CTNNA3: variants seen among roughly 807,000 people sequenced by gnomAD.
CTNNA3 encodes catenin alpha 3.
Under a neutral mutation model 95.7 loss-of-function variants are expected in CTNNA3, and 76 were observed. The ratio of observed to expected loss-of-function variants is 0.79; its 90% CI spans 0.66 to 0.96. The LOEUF (loss-of-function observed/expected upper bound fraction) is 0.96, where lower values mean the gene tolerates loss of function less well. Among genes scored for constraint, CTNNA3 ranks in the 40% least tolerant of loss-of-function variants. CTNNA3 has a pLI of 0.00. For missense variants in CTNNA3, 1,191 were observed against 1,089.8 expected, an observed-to-expected ratio of 1.09 and a Z score of -1.31; for synonymous variants, 431 against 374.4, an observed-to-expected ratio of 1.15 and a Z score of -1.74.
At chr10:66,699,090 A>G (rs1038027429) in intron 9 of CTNNA3, among the ~76,000 whole-genome samples, 3 of 152,184 alleles carry the variant, frequency 2.0e-5, no homozygotes, top group Admixed American at 6.5e-5. Flanking sequence ...TGTATTTCAT[A>G]TCTGTATTTC....
intron 6 of CTNNA3, among the ~76,000 whole-genome samples, chr10:67,190,684 T>A (rs1404645044): frequency 6.6e-6 from 1 of 152,042 alleles, no homozygotes; most frequent in Non-Finnish European, 1.5e-5. Flanking sequence ...ATATTATTTT[T>A]AAATTAATCA....
intron 1 of CTNNA3, among the ~76,000 whole-genome samples, chr10:67,760,784 G>A (rs887808402): frequency 1.3e-4 from 20 of 152,154 alleles, no homozygotes; most frequent in African/African-American, 4.8e-4. Context: ...GATGTAGGTT[G>A]TGTGTTCCTT....
intron 7 of CTNNA3, among the ~76,000 whole-genome samples, chr10:67,123,730 G>C (rs1464083716): frequency 6.6e-6 from 1 of 152,132 alleles, no homozygotes; most frequent in Non-Finnish European, 1.5e-5. Context: ...ACATCAAAAA[G>C]ATCTTCAATG....
chr10:66,482,841 C>T (rs536698339), intron 11 of CTNNA3, among the ~76,000 whole-genome samples: 38 of 152,150 alleles, frequency 2.5e-4, no homozygotes, highest in Non-Finnish European at 4.1e-4. Flanking sequence ...GATATTTAAA[C>T]ACAGACAAAA....
At chr10:66,934,108 C>T (rs554202791) in intron 7 of CTNNA3, among the ~76,000 whole-genome samples, 1 of 152,064 alleles carries the variant, frequency 6.6e-6, no homozygotes, top group East Asian at 1.9e-4. Context: ...TAAGACCAAG[C>T]AAGTACAATG....
At chr10:67,070,193 T>C (rs1856362840) in intron 7 of CTNNA3, among the ~76,000 whole-genome samples, 1 of 152,244 alleles carries the variant, frequency 6.6e-6, no homozygotes, top group Non-Finnish European at 1.5e-5. Context: ...AATTTGGATA[T>C]CCTCTTATGT....
chr10:66,785,163 G>A (rs1365166408), intron 7 of CTNNA3, among the ~76,000 whole-genome samples: 2 of 152,046 alleles, frequency 1.3e-5, no homozygotes, highest in Non-Finnish European at 2.9e-5. Flanking sequence ...AGAAACATCT[G>A]GATTTCATAA....
chr10:66,662,682 C>A (rs1236996544), intron 9 of CTNNA3, among the ~76,000 whole-genome samples: 1 of 152,044 alleles, frequency 6.6e-6, no homozygotes, highest in African/African-American at 2.4e-5. Context: ...ATTTCTACTA[C>A]AATTGTTGTC....
intron 11 of CTNNA3, among the ~76,000 whole-genome samples, chr10:66,390,005 A>C (rs1589181078): frequency 6.6e-6 from 1 of 152,254 alleles, no homozygotes; most frequent in African/African-American, 2.4e-5. Context: ...CAAAGTGTTG[A>C]GATTACTGGA....
intron 1 of CTNNA3, among the ~76,000 whole-genome samples, chr10:67,710,881 T>C (rs971545384): frequency 6.6e-6 from 1 of 152,128 alleles, no homozygotes; most frequent in Admixed American, 6.5e-5. Context: ...CTTGATATAG[T>C]TTGGCTGTGT....
intron 3 of CTNNA3, among the ~76,000 whole-genome samples, chr10:67,574,840 C>T (rs1345174461): frequency 1.3e-5 from 2 of 152,140 alleles, no homozygotes; most frequent in Admixed American, 6.5e-5. Flanking sequence ...CTCGGCCTCC[C>T]AAAGTGTTGG....
At chr10:67,527,212 G>A (rs1840172190) in intron 4 of CTNNA3, among the ~76,000 whole-genome samples, 1 of 151,992 alleles carries the variant, frequency 6.6e-6, no homozygotes, top group Non-Finnish European at 1.5e-5. Context: ...AGCCGAGATC[G>A]CACCACTGCA....
intron 9 of CTNNA3, among the ~76,000 whole-genome samples, chr10:66,734,542 T>C (rs1167670795): frequency 6.6e-6 from 1 of 152,166 alleles, no homozygotes; most frequent in African/African-American, 2.4e-5. Flanking sequence ...AACTCTGACT[T>C]TAAATGTAAA....
chr10:66,342,786 C>G (rs890504203), intron 12 of CTNNA3, among the ~76,000 whole-genome samples: 1 of 151,962 alleles, frequency 6.6e-6, no homozygotes, highest in Admixed American at 6.6e-5. Flanking sequence ...TATTTCTCTT[C>G]TTCAATATTC....
At chr10:65,938,900 T>TC (rs11423766) in intron 17 of CTNNA3, among the ~76,000 whole-genome samples, 10,115 of 151,700 alleles carry the variant, frequency 0.067, 589 homozygotes, top group African/African-American at 0.16. Flanking sequence ...CTTTTTTTTT[T>TC]TCTCTTTTTT....
At chr10:67,039,091 T>C (rs1854242015) in intron 7 of CTNNA3, among the ~76,000 whole-genome samples, 1 of 152,078 alleles carries the variant, frequency 6.6e-6, no homozygotes, top group African/African-American at 2.4e-5. Flanking sequence ...TTTCTACCTG[T>C]CATTTGCTCT....
At chr10:67,456,900 C>G (rs1847193956) in intron 5 of CTNNA3, among the ~76,000 whole-genome samples, 1 of 152,042 alleles carries the variant, frequency 6.6e-6, no homozygotes, top group Non-Finnish European at 1.5e-5. Context: ...TGAGCCAACT[C>G]TAGCAGAAAG....
At chr10:66,021,367 C>G (rs1173298448) in intron 15 of CTNNA3, among the ~76,000 whole-genome samples, 2 of 152,114 alleles carry the variant, frequency 1.3e-5, no homozygotes, top group African/African-American at 4.8e-5. Flanking sequence ...GATTGCCAAA[C>G]TGGAGGAAAT....
chr10:67,191,623 C>A (rs1488432473), intron 6 of CTNNA3, among the ~76,000 whole-genome samples: 1 of 151,734 alleles, frequency 6.6e-6, no homozygotes, highest in African/African-American at 2.4e-5. Context: ...TGAAAAAGTA[C>A]CCTGATGTTC....
Sources: allele counts gnomAD v4.1 joint callset (sites outside exome capture counted in the v4.1 genomes callset), GRCh38; gene constraint gnomAD v4.1.1; transcripts MANE v1.5; gene names NCBI Gene and HGNC (gene_info 2026-07-23, HGNC 2026-07-21).